Variants in CCSER2 observed in about 807,000 individuals in gnomAD.
The protein encoded by CCSER2 is coiled-coil serine rich protein 2.
CCSER2 carries 46 observed loss-of-function variants against 92.3 expected under a neutral mutation model. That is an observed-to-expected ratio of 0.50 (90% CI 0.39 to 0.64). The LOEUF (loss-of-function observed/expected upper bound fraction) is 0.64. Ranked by LOEUF, CCSER2 falls within the 30% of genes least tolerant of loss-of-function variation. The pLI is 0.00. For synonymous variants in CCSER2, 433 were observed against 431.4 expected (o/e 1.00, Z -0.04); for missense variants, 1,244 against 1,238.9 (o/e 1.00, Z -0.06).
At chr10:84,495,731 CTGAAGTCTATT>C (rs1203455235) in intron 9 of CCSER2, among the ~76,000 whole-genome samples, 2 of 147,062 alleles carry the variant, frequency 1.4e-5, no homozygotes, top group African/African-American at 2.5e-5. Flanking sequence ...TCTTTTTGCT[CTGAAGTCTATT>C]TGATAATAAT....
At chr10:84,364,563 C>T (rs1005385387) in intron 1 of CCSER2, among the ~76,000 whole-genome samples, 1 of 152,044 alleles carries the variant, frequency 6.6e-6, no homozygotes. Context: ...AATCTACTAC[C>T]TTATAATGTT....
At chr10:84,348,366 C>T (rs1043069680) in intron 1 of CCSER2, among the ~76,000 whole-genome samples, 2 of 152,196 alleles carry the variant, frequency 1.3e-5, no homozygotes, top group African/African-American at 4.8e-5. Context: ...GCAGGAGAAT[C>T]AGGCAGGGAG....
chr10:84,342,622 G>A (rs965055341), intron 1 of CCSER2, among the ~76,000 whole-genome samples: 9 of 152,034 alleles, frequency 5.9e-5, no homozygotes, highest in Non-Finnish European at 1.3e-4. Flanking sequence ...TCCTTTTCTT[G>A]TCTTCTGCTA....
intron 3 of CCSER2, among the ~76,000 whole-genome samples, chr10:84,376,292 G>T (rs1204162550): frequency 6.6e-6 from 1 of 152,082 alleles, no homozygotes; most frequent in Admixed American, 6.5e-5. Flanking sequence ...ACAGACCAGA[G>T]AATTTTGATA....
At chr10:84,348,275 A>C (rs1402104719) in intron 1 of CCSER2, among the ~76,000 whole-genome samples, 1 of 152,146 alleles carries the variant, frequency 6.6e-6, no homozygotes, top group Non-Finnish European at 1.5e-5. Flanking sequence ...ACACAGCGAA[A>C]CCCCGTCTCC....
intron 3 of CCSER2, among the ~76,000 whole-genome samples, chr10:84,379,813 TGTA>T (rs987332146): frequency 1.8e-4 from 27 of 152,310 alleles, no homozygotes; most frequent in Admixed American, 1.1e-3. Flanking sequence ...GTATTTGTAT[TGTA>T]GTTCTAATTC....
intron 3 of CCSER2, among the ~76,000 whole-genome samples, chr10:84,403,739 G>C (rs911453215): frequency 8.5e-5 from 13 of 152,108 alleles, no homozygotes; most frequent in African/African-American, 1.2e-4. Context: ...TACACCTATA[G>C]AATAACCAAT....
rs1847222916 is a variant in CCSER2 at position 84,477,556 on chromosome 10, A to C, written c.2236-19A>C. On this transcript the variant is annotated intron_variant, in intron 8 of 9. Transcript: ENST00000372088. Reference sequence around the variant, plus strand: ...TATGCAGAATTAAACCAATGTAAAAATTTTGTGTTTTTGTTTAGGCAACTC... The same window carrying C: ...TATGCAGAATTAAACCAATGTAAAACTTTTGTGTTTTTGTTTAGGCAACTC... 3.4e-6 allele frequency: 5 copies of C among 1,480,174 alleles called. No individual in the cohort carries two copies. Among genetic ancestry groups the C allele is most frequent in the Non-Finnish European group, 4.7e-6 (5 of 1,060,998 alleles). The allele number at this position is 1,480,174 out of a possible 1,614,324, so 91.7% of individuals were successfully genotyped here.
chr10:84,393,628 G>T (rs1841654791), intron 3 of CCSER2, among the ~76,000 whole-genome samples: 1 of 152,096 alleles, frequency 6.6e-6, no homozygotes, highest in South Asian at 2.1e-4. Context: ...AGTTGGTTTG[G>T]ATCCTCTTCA....
At position 84,470,365 on chromosome 10, in the gene CCSER2, A is replaced by G. The variant is rs748461462; in HGVS notation, c.2149-7A>G. The G allele has an allele frequency of 6.2e-6, 8 of 1,287,438 alleles. No individual in the cohort carries two copies. The highest frequency in any genetic ancestry group is 1.5e-5 in the African/African-American group (1 of 64,980). The allele number at this position is 1,287,438 out of a possible 1,614,324, so 79.8% of individuals were successfully genotyped here. A position where few individuals can be genotyped will look rare whatever the true frequency, so the allele number is the denominator to read the frequency against. On this transcript the variant is annotated splice_region_variant and splice_polypyrimidine_tract_variant and intron_variant, in intron 7 of 9. Coordinates refer to ENST00000372088, the MANE Select transcript of CCSER2 (RefSeq NM_001284240.2). Reference sequence around the variant, plus strand: ...ATACCTCATCTAAAGATTTTTTAATATTTCAGAATGAAGATTTATTAAATG... The same window carrying G: ...ATACCTCATCTAAAGATTTTTTAATGTTTCAGAATGAAGATTTATTAAATG...
chr10:84,454,863 C>T, intron 6 of CCSER2: 1 of 153,182 alleles, frequency 6.5e-6, no homozygotes. Context: ...TTTGGTTTGG[C>T]TATGTCCCAA....
At chr10:84,453,412 C>T (rs1053511191) in intron 6 of CCSER2, among the ~76,000 whole-genome samples, 2 of 152,118 alleles carry the variant, frequency 1.3e-5, no homozygotes, top group African/African-American at 4.8e-5. Context: ...ATTTCAAATG[C>T]GACCATTTAA....
intron 3 of CCSER2, among the ~76,000 whole-genome samples, chr10:84,407,782 G>A (rs191873132): frequency 7.8e-4 from 119 of 152,300 alleles, no homozygotes; most frequent in Admixed American, 1.8e-3. Context: ...TATTAGTAGT[G>A]TTATTTGTAA....
At position 84,513,547 on chromosome 10, in the gene CCSER2, C is replaced by T. The variant is rs1849477893; in HGVS notation, c.2424C>T (p.Cys808=). 1 of 1,613,962 alleles carries T rather than the reference C, an allele frequency of 6.2e-7. No individual in the cohort carries two copies. Among genetic ancestry groups the T allele is most frequent in the African/African-American group, 1.3e-5 (1 of 74,908 alleles). Residue 808 remains cysteine (C), a synonymous_variant, in exon 10 of 10, where the codon TGC becomes TGT. Coordinates refer to ENST00000372088, the MANE Select transcript of CCSER2 (RefSeq NM_001284240.2). ...AACGTATCGAGGCCCGCAGTGAATG[C>T]TCAATCCAAGACATGCATCAGGGCG... The part of the protein sequence containing the change: ...KPQRIEARSE[C]SIQDMHQGGA...
chr10:84,410,973 T>C (rs920013814), intron 3 of CCSER2, among the ~76,000 whole-genome samples: 1 of 152,266 alleles, frequency 6.6e-6, no homozygotes, highest in Non-Finnish European at 1.5e-5. Context: ...GTTTCAATTT[T>C]CTGCGTATGA....
At chr10:84,457,590 ATTATATATTTATATATTATATATAAT>A (rs1845824754) in intron 6 of CCSER2, among the ~76,000 whole-genome samples, 1 of 11,842 alleles carries the variant, frequency 8.4e-5, no homozygotes, top group Non-Finnish European at 1.7e-4. Flanking sequence ...ATTATATATA[ATTATATATTTATATATTATATATAAT>A]TATATATTTA....
chr10:84,502,732 C>T (rs1221486058), intron 9 of CCSER2, among the ~76,000 whole-genome samples: 2 of 151,844 alleles, frequency 1.3e-5, no homozygotes, highest in African/African-American at 2.4e-5. Context: ...AATGGGGAGG[C>T]GAGGTAAAGC....
At chr10:84,438,467 T>C (rs1208988244) in intron 5 of CCSER2, 45 bp from the exon 6 acceptor site, 1 of 866,856 alleles carries the variant, frequency 1.2e-6, no homozygotes, top group Non-Finnish European at 1.7e-6. Flanking sequence ...TTTCTGAAAT[T>C]GTATTGTATA....
chr10:84,461,208 C>T (rs1386057122), intron 6 of CCSER2, among the ~76,000 whole-genome samples: 1 of 152,096 alleles, frequency 6.6e-6, no homozygotes, highest in Non-Finnish European at 1.5e-5. Flanking sequence ...AGGTTGTCTA[C>T]TTTTCAAGTG....
Sources: gnomAD v4.1 joint callset for allele counts (sites outside exome capture counted in the v4.1 genomes callset) on GRCh38, gnomAD v4.1.1 for gene constraint, MANE v1.5 for transcripts, NCBI Gene and HGNC (gene_info 2026-07-23, HGNC 2026-07-21) for gene names.